Variants in RGS5 observed in about 807,000 individuals in gnomAD.
RGS5 encodes the protein regulator of G-protein signalling 5.
Under a neutral mutation model 18.9 loss-of-function variants are expected in RGS5, and 20 were observed. The observed-to-expected ratio is 1.06, with a 90% CI of 0.74 to 1.54. The LOEUF is 1.54. RGS5 is among the 40% of genes most tolerant of loss of function. The pLI is 0.00. For missense variants in RGS5, 201 were observed against 211.8 expected (o/e 0.95, Z 0.32); for synonymous variants, 57 against 76.2 (o/e 0.75, Z 1.31).
chr1:163,275,791 T>C (rs959008285), intron 2 of RGS5, among the ~76,000 whole-genome samples: 2 of 151,998 alleles, frequency 1.3e-5, no homozygotes, highest in African/African-American at 4.8e-5. Flanking sequence ...TCAGGATATA[T>C]AATAAGTAAG....
intron 2 of RGS5, among the ~76,000 whole-genome samples, chr1:163,234,483 A>T (rs1406653170): frequency 1.3e-5 from 2 of 152,214 alleles, no homozygotes; most frequent in African/African-American, 2.4e-5. Flanking sequence ...CTTATAAGAA[A>T]TGTACTTGTT....
At chr1:163,233,963 G>A (rs1431094824) in intron 2 of RGS5, among the ~76,000 whole-genome samples, 1 of 152,188 alleles carries the variant, frequency 6.6e-6, no homozygotes, top group Non-Finnish European at 1.5e-5. Flanking sequence ...ATCTTCAGTT[G>A]CTTCAGGCCA....
chr1:163,176,389 AG>A (rs549749326), intron 1 of RGS5, among the ~76,000 whole-genome samples: 6 of 152,220 alleles, frequency 3.9e-5, no homozygotes, highest in Non-Finnish European at 5.9e-5. Flanking sequence ...TGGGAGGGCA[AG>A]GCGGGCAGAT....
chr1:163,157,722 G>GAAGTC (rs11281942), intron 3 of RGS5, among the ~76,000 whole-genome samples: 2 of 151,394 alleles, frequency 1.3e-5, no homozygotes, highest in African/African-American at 4.9e-5. Context: ...AAGAGATGGT[G>GAAGTC]GTTTGTCTTG....
chr1:163,152,487 A>G, intron 4 of RGS5, 63 bp downstream of exon 4: 1 of 1,505,118 alleles, frequency 6.6e-7, no homozygotes, highest in Middle Eastern at 1.8e-4. Flanking sequence ...TGTGTCTCAG[A>G]TGTAAATCCT....
At chr1:163,177,054 G>A (rs1035571268) in intron 1 of RGS5, among the ~76,000 whole-genome samples, 14 of 152,206 alleles carry the variant, frequency 9.2e-5, no homozygotes, top group African/African-American at 3.4e-4. Context: ...CAACTAGCAG[G>A]ACGCGTGCTA....
chr1:163,159,658 G>A (rs978182111), intron 3 of RGS5, among the ~76,000 whole-genome samples: 1 of 152,150 alleles, frequency 6.6e-6, no homozygotes, highest in African/African-American at 2.4e-5. Context: ...GACTAGAATA[G>A]TTATAAATGC....
At chr1:163,217,478 T>A in intron 1 of RGS5, 1 of 1,482,390 alleles carries the variant, frequency 6.7e-7, no homozygotes, top group Non-Finnish European at 9.0e-7. Context: ...TTCCTGTAAA[T>A]TATAACATTA....
rs1441746556 is a variant in RGS5, at chr1:163,143,220, G to A, written c.*4122C>T. 6.6e-6 allele frequency: 1 copy of A among 152,292 alleles called. No individual in the cohort carries two copies. Among genetic ancestry groups the A allele is most frequent in the Admixed American group, 6.5e-5 (1 of 15,280 alleles). The allele number at this position is 152,292 out of a possible 1,614,324, so 9.4% of individuals were successfully genotyped here. A position where few individuals can be genotyped will look rare whatever the true frequency, so the allele number is the denominator to read the frequency against. On this transcript the variant is annotated 3_prime_UTR_variant, in exon 5 of 5. Coordinates refer to ENST00000313961, the MANE Select transcript of RGS5 (RefSeq NM_003617.4). ...CTAAAGAGCCTTGTGCGAAGCAAGT[G>A]TTCGATACGTGCTTGTCTAATAGAA...
chr1:163,277,345 T>A (rs1411854804), intron 2 of RGS5, among the ~76,000 whole-genome samples: 1 of 152,218 alleles, frequency 6.6e-6, no homozygotes. Context: ...CTTGGGCACA[T>A]GTCAGGACCT....
intron 1 of RGS5, among the ~76,000 whole-genome samples, chr1:163,208,808 C>G (rs909922403): frequency 5.3e-5 from 8 of 152,014 alleles, no homozygotes; most frequent in African/African-American, 1.4e-4. Flanking sequence ...AACACAGCAA[C>G]TACCTTTCTA....
chr1:163,152,583 A>C lies in RGS5; in HGVS notation c.351T>G (p.Tyr117Ter), dbSNP rs757138090. 1 of 1,613,012 alleles carries C rather than the reference A, an allele frequency of 6.2e-7. No individual in the cohort carries two copies. Among genetic ancestry groups the C allele is most frequent in the African/African-American group, 1.3e-5 (1 of 75,032 alleles). Residue 117 changes from tyrosine (Y) to a stop codon, truncating the protein, a stop_gained, in exon 4 of 5, where the codon TAT becomes TAG. Coordinates refer to ENST00000313961, the MANE Select transcript of RGS5 (RefSeq NM_003617.4). LOFTEE classifies it low-confidence loss of function (END_TRUNC). ...GAGCCTCCGTTTGAATGAATTCTTC[A>C]TAAATTTGCTTTGCCTTCTCAGCCA... Reference protein sequence around the residue: ...AKMAEKAKQIYEEFIQTEAPK... With the variant: ...AKMAEKAKQI
At chr1:163,251,224 T>C (rs2101698298) in intron 2 of RGS5, among the ~76,000 whole-genome samples, 1 of 152,314 alleles carries the variant, frequency 6.6e-6, no homozygotes, top group South Asian at 2.1e-4. Context: ...ATTAACAATC[T>C]TTTTCTCTGT....
chr1:163,270,383 G>A (rs1037640760), intron 2 of RGS5, among the ~76,000 whole-genome samples: 1 of 147,490 alleles, frequency 6.8e-6, no homozygotes, highest in Non-Finnish European at 1.5e-5. Context: ...AGCCAGGCCT[G>A]TTGGTGCACA....
intron 1 of RGS5, among the ~76,000 whole-genome samples, chr1:163,181,512 A>T (rs1462702585): frequency 6.6e-6 from 1 of 152,188 alleles, no homozygotes; most frequent in Non-Finnish European, 1.5e-5. Flanking sequence ...AAAAACTGAG[A>T]TTCACAGAAA....
intron 2 of RGS5, among the ~76,000 whole-genome samples, chr1:163,163,039 C>CGGG (rs148165074): frequency 1.3e-4 from 17 of 132,032 alleles, no homozygotes; most frequent in African/African-American, 4.9e-4. Flanking sequence ...AATGATATTT[C>CGGG]GGGGGGGGGG....
chr1:163,219,388 G>A (rs758164818), upstream of RGS5, among the ~76,000 whole-genome samples: 6 of 152,110 alleles, frequency 3.9e-5, no homozygotes, highest in Non-Finnish European at 5.9e-5. Context: ...TGAAGCTTGG[G>A]AAACTAATCC....
rs554634336 is a variant in RGS5 at position 163,201,215 on chromosome 1, A to G, written c.44+1577T>C. Reference sequence around the variant, plus strand: ...CCATTAAAGTCAAGTTGCAATTCTCATAGTTGCAAAAATGGCAAAGGAAAT... The same window carrying G: ...CCATTAAAGTCAAGTTGCAATTCTCGTAGTTGCAAAAATGGCAAAGGAAAT... On this transcript the variant is annotated intron_variant, in intron 1 of 4. Coordinates refer to ENST00000313961, the MANE Select transcript of RGS5 (RefSeq NM_003617.4). 7.9e-5 allele frequency among the ~76,000 whole-genome samples: 12 copies of G among 152,190 alleles called. No individual in the cohort carries two copies. In the South Asian group the frequency reaches 2.5e-3, roughly 32 times the overall value.
At chr1:163,259,114 A>G (rs1275588364) in intron 2 of RGS5, among the ~76,000 whole-genome samples, 6 of 152,118 alleles carry the variant, frequency 3.9e-5, no homozygotes, top group African/African-American at 1.4e-4. Context: ...CTCCCAGTTT[A>G]CATCAAGCTT....
Sources: allele counts gnomAD v4.1 joint callset (sites outside exome capture counted in the v4.1 genomes callset), GRCh38; gene constraint gnomAD v4.1.1; transcripts MANE v1.5; gene names NCBI Gene and HGNC (gene_info 2026-07-23, HGNC 2026-07-21).